ARHGAP15: variants seen among roughly 807,000 people sequenced by gnomAD.
ARHGAP15 encodes Rho GTPase activating protein 15, also known as rho GTPase-activating protein 15.
ARHGAP15 carries 51 observed loss-of-function variants against 63.7 expected under a neutral mutation model. The observed-to-expected ratio is 0.80, with a 90% confidence interval of 0.64 to 1.01. The LOEUF is 1.01. Among genes scored for constraint, ARHGAP15 ranks in the 50% least tolerant of loss-of-function variants. ARHGAP15 has a pLI of 0.00. For missense variants in ARHGAP15, 560 were observed against 564.6 expected (o/e 0.99, Z 0.08); for synonymous variants, 191 against 193.8 (o/e 0.99, Z 0.12).
At chr2:143,579,545 G>A (rs1280806429) in intron 11 of ARHGAP15, among the ~76,000 whole-genome samples, 1 of 152,124 alleles carries the variant, frequency 6.6e-6, no homozygotes, top group African/African-American at 2.4e-5. Context: ...CCTTCATTCA[G>A]ACCAGCATTC....
At chr2:143,236,928 G>A (rs1395445389) in intron 5 of ARHGAP15, 1 of 152,094 alleles carries the variant, frequency 6.6e-6, no homozygotes, top group East Asian at 1.9e-4. Flanking sequence ...TCTCTAAGTT[G>A]CCTGGGAGTG....
At chr2:143,711,253 C>T (rs1390410215) in intron 13 of ARHGAP15, among the ~76,000 whole-genome samples, 1 of 152,230 alleles carries the variant, frequency 6.6e-6, no homozygotes, top group Non-Finnish European at 1.5e-5. Context: ...TTCCTACCCT[C>T]ACGTATCTTA....
At chr2:143,501,939 T>C (rs1044266540) in intron 9 of ARHGAP15, among the ~76,000 whole-genome samples, 2 of 152,138 alleles carry the variant, frequency 1.3e-5, no homozygotes, top group Non-Finnish European at 2.9e-5. Flanking sequence ...AGCAGAAGCT[T>C]TTGCCAGGGA....
intron 10 of ARHGAP15, among the ~76,000 whole-genome samples, chr2:143,547,074 A>T (rs1695365007): frequency 6.6e-6 from 1 of 152,136 alleles, no homozygotes; most frequent in African/African-American, 2.4e-5. Flanking sequence ...CAAACTCAGA[A>T]TCTTGCTGAG....
chr2:143,362,122 A>G (rs1686084443), intron 6 of ARHGAP15, among the ~76,000 whole-genome samples: 1 of 152,148 alleles, frequency 6.6e-6, no homozygotes, highest in Non-Finnish European at 1.5e-5. Context: ...CCAAAAGGCC[A>G]TTCCTAATCG....
intron 6 of ARHGAP15, among the ~76,000 whole-genome samples, chr2:143,358,089 A>G (rs571375242): frequency 1.1e-4 from 16 of 152,294 alleles, no homozygotes; most frequent in Admixed American, 8.5e-4. Context: ...CCAGGTTGGA[A>G]AGGGCTGGCT....
At chr2:143,318,157 C>T (rs552484623) in intron 6 of ARHGAP15, among the ~76,000 whole-genome samples, 9 of 152,038 alleles carry the variant, frequency 5.9e-5, no homozygotes, top group Admixed American at 1.3e-4. Context: ...TGGCACCACA[C>T]CTGGCTAATA....
chr2:143,176,613 T>C (rs941049059), intron 2 of ARHGAP15, among the ~76,000 whole-genome samples: 1 of 152,156 alleles, frequency 6.6e-6, no homozygotes, highest in East Asian at 1.9e-4. Flanking sequence ...TCTTTTTTGG[T>C]TGTAAACGTA....
At chr2:143,397,172 A>G (rs1198888915) in intron 6 of ARHGAP15, among the ~76,000 whole-genome samples, 2 of 152,190 alleles carry the variant, frequency 1.3e-5, no homozygotes, top group African/African-American at 4.8e-5. Flanking sequence ...AACTGGGGTC[A>G]GAAGACATAA....
At chr2:143,485,553 C>T (rs533163532) in intron 8 of ARHGAP15, among the ~76,000 whole-genome samples, 126 of 151,900 alleles carry the variant, frequency 8.3e-4, no homozygotes, top group Non-Finnish European at 1.3e-3. Context: ...TTCAGATGGC[C>T]CTATAATTTT....
intron 5 of ARHGAP15, among the ~76,000 whole-genome samples, chr2:143,248,548 C>A (rs938055623): frequency 3.3e-5 from 5 of 152,246 alleles, no homozygotes; most frequent in South Asian, 2.1e-4. Context: ...AGCTGGGTAA[C>A]CTTGAGGAAA....
At chr2:143,247,313 G>C (rs376189570) in intron 5 of ARHGAP15, 14 of 152,384 alleles carry the variant, frequency 9.2e-5, no homozygotes, top group Non-Finnish European at 1.5e-4. Flanking sequence ...CCAGCCCTCC[G>C]CCACTGGGCT....
At chr2:143,373,753 AT>A (rs948799272) in intron 6 of ARHGAP15, among the ~76,000 whole-genome samples, 1 of 151,878 alleles carries the variant, frequency 6.6e-6, no homozygotes, top group Admixed American at 6.6e-5. Context: ...AGCACATCAA[AT>A]TTGTGTTAGG....
At chr2:143,368,772 A>G (rs1686410901) in intron 6 of ARHGAP15, among the ~76,000 whole-genome samples, 1 of 152,092 alleles carries the variant, frequency 6.6e-6, no homozygotes, top group Non-Finnish European at 1.5e-5. Flanking sequence ...CAATTTTTCC[A>G]TAGGATTCAA....
intron 12 of ARHGAP15, among the ~76,000 whole-genome samples, chr2:143,634,409 A>C (rs1459014487): frequency 6.6e-6 from 1 of 152,162 alleles, no homozygotes; most frequent in East Asian, 1.9e-4. Flanking sequence ...TTCCACATTT[A>C]TAAAATGGAG....
intron 10 of ARHGAP15, among the ~76,000 whole-genome samples, chr2:143,533,861 A>G (rs951120335): frequency 4.6e-5 from 7 of 152,216 alleles, no homozygotes; most frequent in African/African-American, 1.7e-4. Context: ...TTAAGAGCAG[A>G]TTGGAAATCT....
chr2:143,495,393 G>A (rs1574529761), intron 9 of ARHGAP15, among the ~76,000 whole-genome samples: 1 of 152,052 alleles, frequency 6.6e-6, no homozygotes, highest in African/African-American at 2.4e-5. Flanking sequence ...ACTTGGGCTT[G>A]GCTTATATTT....
Position 143,737,729 on chromosome 2 carries a change from TA to T in ARHGAP15, c.1245-30259del, listed in dbSNP as rs1190006772. On this transcript the variant is annotated intron_variant, in intron 13 of 13. Coordinates refer to ENST00000295095, the MANE Select transcript of ARHGAP15 (RefSeq NM_018460.4). ...GAAAACTTTTGAAACCTATTTATTT[TA>T]TTTATTTATTTATTTATTTATTTAT... 2.0e-3 allele frequency among the ~76,000 whole-genome samples: 35 copies of T among 17,722 alleles called. No individual in the cohort carries two copies. In the African/African-American group the frequency reaches 0.026, roughly 13 times the overall value. 11.6% of individuals were successfully genotyped at this position (17,722 alleles called of 152,430 possible).
At chr2:143,571,464 T>A (rs1410939096) in intron 11 of ARHGAP15, among the ~76,000 whole-genome samples, 1 of 152,072 alleles carries the variant, frequency 6.6e-6, no homozygotes, top group Non-Finnish European at 1.5e-5. Flanking sequence ...TTGCTAAGAG[T>A]TGCATTTCTT....
Sources: allele counts gnomAD v4.1 joint callset (sites outside exome capture counted in the v4.1 genomes callset), GRCh38; gene constraint gnomAD v4.1.1; transcripts MANE v1.5; gene names NCBI Gene and HGNC (gene_info 2026-07-23, HGNC 2026-07-21).